Variants in MED27 observed in about 807,000 individuals in gnomAD.
The protein encoded by MED27 is mediator complex subunit 27, also known as mediator of RNA polymerase II transcription subunit 27.
Under a neutral mutation model 38.2 loss-of-function variants are expected in MED27, and 30 were observed. The ratio of observed to expected loss-of-function variants is 0.79; its 90% CI spans 0.59 to 1.07. The LOEUF is 1.07. Among genes scored for constraint, MED27 ranks in the 50% least tolerant of loss-of-function variants. MED27 has a pLI of 0.00. For missense variants in MED27, 289 were observed against 397.5 expected (o/e 0.73, Z 2.32); for synonymous variants, 122 against 153.5 (o/e 0.79, Z 1.52).
intron 3 of MED27, among the ~76,000 whole-genome samples, chr9:131,955,026 G>A (rs908344656): frequency 2.0e-5 from 3 of 151,334 alleles, no homozygotes; most frequent in African/African-American, 7.4e-5. Flanking sequence ...TCCTTTCCAA[G>A]TGCACCTGGA....
chr9:131,943,666 CG>C (rs1830829889), intron 3 of MED27, among the ~76,000 whole-genome samples: 1 of 152,162 alleles, frequency 6.6e-6, no homozygotes, highest in Non-Finnish European at 1.5e-5. Context: ...AGACGCGGCG[CG>C]GAAAGACATT....
intron 3 of MED27, among the ~76,000 whole-genome samples, chr9:132,000,861 C>T (rs1227552204): frequency 6.6e-6 from 1 of 151,668 alleles, no homozygotes; most frequent in East Asian, 2.0e-4. Context: ...GCTTAGCTTA[C>T]AGGCGTGAGC....
At chr9:132,075,424 ACATTGCTCATATGAGATT>A (rs1279765645) in intron 2 of MED27, among the ~76,000 whole-genome samples, 3 of 152,220 alleles carry the variant, frequency 2.0e-5, no homozygotes, top group Non-Finnish European at 4.4e-5. Context: ...ACACCTCCTC[ACATTGCTCATATGAGATT>A]TATAATCTGG....
chr9:132,037,941 G>A (rs1359587787), intron 2 of MED27, among the ~76,000 whole-genome samples: 3 of 152,068 alleles, frequency 2.0e-5, no homozygotes, highest in South Asian at 2.1e-4. Context: ...CCTGCCCCAC[G>A]AATCTCACAT....
chr9:132,037,249 G>A (rs1833098982), intron 2 of MED27, among the ~76,000 whole-genome samples: 2 of 152,152 alleles, frequency 1.3e-5, no homozygotes, highest in Non-Finnish European at 1.5e-5. Context: ...CGCTTGAAGT[G>A]TAATCCTAAT....
chr9:131,968,066 C>T (rs1340883912), intron 3 of MED27, among the ~76,000 whole-genome samples: 3 of 151,298 alleles, frequency 2.0e-5, no homozygotes, highest in Non-Finnish European at 4.4e-5. Flanking sequence ...ATGATCCGCT[C>T]GCTTTGGCCT....
intron 3 of MED27, among the ~76,000 whole-genome samples, chr9:131,975,119 G>A (rs1465658323): frequency 1.3e-5 from 2 of 152,138 alleles, no homozygotes; most frequent in Non-Finnish European, 2.9e-5. Flanking sequence ...TGTTTTAGTT[G>A]CTGTTATTTA....
rs908502197 is a variant in MED27, at chr9:131,917,735, T to C, written c.573+21646A>G. On this transcript the variant is annotated intron_variant, in intron 4 of 7. Coordinates refer to ENST00000292035, the MANE Select transcript of MED27 (RefSeq NM_004269.4). The surrounding 1 kb of genome is among the most constrained non-coding windows in gnomAD (Gnocchi z 4.6). Reference sequence around the variant, plus strand: ...TAAGCATTTGTTACAAGAATGGAGATAAGTATTGGAACAGAAAAATGTTAA... The same window carrying C: ...TAAGCATTTGTTACAAGAATGGAGACAAGTATTGGAACAGAAAAATGTTAA... Among the ~76,000 whole-genome samples the C allele has an allele frequency of 1.3e-5, 2 of 152,110 alleles. No homozygotes were observed. Among genetic ancestry groups the C allele is most frequent in the African/African-American group, 4.8e-5 (2 of 41,386 alleles).
chr9:132,034,432 C>T (rs1309751095), intron 2 of MED27, among the ~76,000 whole-genome samples: 5 of 152,218 alleles, frequency 3.3e-5, no homozygotes, highest in African/African-American at 1.2e-4. Context: ...AACTACAACC[C>T]TAACAAAGCC....
At chr9:132,027,437 G>A (rs964920065) in intron 2 of MED27, among the ~76,000 whole-genome samples, 6 of 152,180 alleles carry the variant, frequency 3.9e-5, no homozygotes, top group African/African-American at 9.7e-5. Flanking sequence ...CTCCTGACTC[G>A]CCTCTGCTCT....
At chr9:131,937,127 G>A (rs1830699691) in intron 4 of MED27, among the ~76,000 whole-genome samples, 1 of 152,198 alleles carries the variant, frequency 6.6e-6, no homozygotes, top group Admixed American at 6.5e-5. Flanking sequence ...CTCCAGGTAG[G>A]AATTCCCATC....
intron 2 of MED27, chr9:132,073,285 T>C: frequency 1.0e-6 from 1 of 977,616 alleles, no homozygotes; most frequent in Non-Finnish European, 1.2e-6. Context: ...ATGCCCTCAC[T>C]GTACTTCATC....
At chr9:132,019,392 C>T (rs1016930113) in intron 2 of MED27, among the ~76,000 whole-genome samples, 3 of 152,164 alleles carry the variant, frequency 2.0e-5, no homozygotes, top group East Asian at 1.9e-4. Flanking sequence ...TGGCCTCTTA[C>T]GAAAGCAAAC....
In MED27 at chr9:132,079,744, C is replaced by T. The variant is rs775533814; in HGVS notation, c.101G>A (p.Cys34Tyr). The T allele has an allele frequency of 5.0e-6, 8 of 1,613,996 alleles. No individual in the cohort carries two copies. The highest frequency in any genetic ancestry group is 6.8e-6 in the Non-Finnish European group (8 of 1,179,996). ...CTTGTTCCGCATCCCATCCTTCAGG[C>T]AGTCGAACACCCTGCTCACGCTGGA... is the stretch of plus-strand genomic sequence containing the variant. ...LRSSVSRVFDCLKDGMRNKET... is the reference protein window; with the variant it reads ...LRSSVSRVFDYLKDGMRNKET... The change falls in exon 1 of 8, where the codon TGC (cysteine) becomes TAC (tyrosine). Residue 34 changes from cysteine to tyrosine, a missense_variant. Cys to Tyr is a radical substitution (Grantham distance 194, BLOSUM62 -2). Transcript: ENST00000292035.
At chr9:131,926,408 G>A (rs1830484603) in intron 4 of MED27, among the ~76,000 whole-genome samples, 1 of 152,186 alleles carries the variant, frequency 6.6e-6, no homozygotes, top group South Asian at 2.1e-4. Context: ...CAGATTACCT[G>A]AGACTCAGCT....
rs1017963873 is a variant in MED27, at chr9:131,883,886, G to T, written c.723+172C>A. The T allele has an allele frequency of 1.2e-5, 7 of 598,012 alleles. No individual in the cohort carries two copies. Among genetic ancestry groups the T allele is most frequent in the Admixed American group, 3.3e-5 (1 of 30,008 alleles). 37.0% of individuals were successfully genotyped at this position (598,012 alleles called of 1,614,324 possible). A position where few individuals can be genotyped will look rare whatever the true frequency, so the allele number is the denominator to read the frequency against. Reference sequence around the variant, plus strand: ...CCACGGATCTGATTTCTGTCCCTAAGGTTTTGTTTTTTTCCAGAATGTCAT... The same window carrying T: ...CCACGGATCTGATTTCTGTCCCTAATGTTTTGTTTTTTTCCAGAATGTCAT... On this transcript the variant is annotated intron_variant, in intron 6 of 7. Transcript: ENST00000292035. This position sits in a 1 kb window ranked among gnomAD's most constrained non-coding sequence, Gnocchi z 4.2.
chr9:131,991,898 T>A (rs1314314194), intron 3 of MED27, among the ~76,000 whole-genome samples: 2 of 152,102 alleles, frequency 1.3e-5, no homozygotes, highest in African/African-American at 4.8e-5. Flanking sequence ...AGTTTTTGTA[T>A]CTTTAGTAGA....
chr9:132,013,927 C>T (rs1299221495), intron 3 of MED27, among the ~76,000 whole-genome samples: 4 of 151,980 alleles, frequency 2.6e-5, no homozygotes, highest in Non-Finnish European at 5.9e-5. Context: ...AATTCTGGGC[C>T]GGGTGTGGTA....
At chr9:131,864,380 G>A (rs1157400434) in intron 6 of MED27, among the ~76,000 whole-genome samples, 3 of 152,180 alleles carry the variant, frequency 2.0e-5, no homozygotes, top group African/African-American at 7.2e-5. Flanking sequence ...CTACTCAGGA[G>A]GCTGAGATGG....
Sources: allele counts gnomAD v4.1 joint callset (sites outside exome capture counted in the v4.1 genomes callset), GRCh38; gene constraint gnomAD v4.1.1; non-coding constraint Gnocchi (gnomAD v3.1); transcripts MANE v1.5; gene names NCBI Gene and HGNC (gene_info 2026-07-23, HGNC 2026-07-21).